EPHA6: variants seen among roughly 807,000 people sequenced by gnomAD.
EPHA6 encodes the protein ephrin type-A receptor 6.
A neutral mutation model predicts 112.0 loss-of-function variants in EPHA6; 50 were observed. The ratio of observed to expected loss-of-function variants is 0.45; its 90% confidence interval spans 0.36 to 0.56. The LOEUF is 0.56. EPHA6 is among the 20% of genes least tolerant of loss of function. The probability of loss-of-function intolerance (pLI) is 0.00; values close to 1 mark genes in which losing one functional copy is unlikely to be tolerated. For missense variants in EPHA6, 1,280 were observed against 1,417.4 expected (o/e 0.90, Z 1.56); for synonymous variants, 529 against 490.7 (o/e 1.08, Z -1.03).
chr3:97,640,327 G>A (rs1392625140), intron 14 of EPHA6, among the ~76,000 whole-genome samples: 3 of 152,168 alleles, frequency 2.0e-5, no homozygotes, highest in Admixed American at 6.5e-5. Flanking sequence ...GGGGCCATAG[G>A]CAATGGAGGG....
At chr3:97,247,988 G>A (rs966650932) in intron 5 of EPHA6, among the ~76,000 whole-genome samples, 10 of 151,902 alleles carry the variant, frequency 6.6e-5, no homozygotes, top group African/African-American at 2.4e-4. Flanking sequence ...CTTTCATGTA[G>A]TTGACTGTAT....
chr3:97,689,368 T>C (rs975200046), intron 14 of EPHA6, among the ~76,000 whole-genome samples: 2 of 152,150 alleles, frequency 1.3e-5, no homozygotes, highest in African/African-American at 2.4e-5. Context: ...TTCAACTCCA[T>C]CAAAATGGAT....
intron 5 of EPHA6, among the ~76,000 whole-genome samples, chr3:97,275,518 A>G (rs988517250): frequency 1.3e-5 from 2 of 152,086 alleles, no homozygotes; most frequent in East Asian, 1.9e-4. Flanking sequence ...ATAGGAGAGT[A>G]TATGGGTTTG....
At chr3:97,411,917 T>C (rs1478978525) in intron 6 of EPHA6, among the ~76,000 whole-genome samples, 8 of 152,072 alleles carry the variant, frequency 5.3e-5, no homozygotes, top group African/African-American at 1.9e-4. Flanking sequence ...GTTCAGATTA[T>C]TTTTTATATA....
intron 2 of EPHA6, among the ~76,000 whole-genome samples, chr3:96,973,824 CAAAAAAA>C (rs374520473): frequency 1.9e-5 from 1 of 52,738 alleles, no homozygotes; most frequent in African/African-American, 7.6e-5. Flanking sequence ...GACTCCATAT[CAAAAAAA>C]AAAAAAAAAG....
chr3:97,680,276 G>T (rs1408384605), intron 14 of EPHA6, among the ~76,000 whole-genome samples: 1 of 152,094 alleles, frequency 6.6e-6, no homozygotes, highest in East Asian at 1.9e-4. Context: ...GGCTCCTAAT[G>T]TTCATTCTCT....
At chr3:97,215,129 A>G (rs533468606) in intron 3 of EPHA6, among the ~76,000 whole-genome samples, 12 of 152,342 alleles carry the variant, frequency 7.9e-5, no homozygotes, top group East Asian at 1.9e-4. Flanking sequence ...TCAATATTTA[A>G]TCAAACAATG....
At chr3:97,044,078 C>T (rs1003299764) in intron 3 of EPHA6, among the ~76,000 whole-genome samples, 1 of 152,180 alleles carries the variant, frequency 6.6e-6, no homozygotes, top group African/African-American at 2.4e-5. Flanking sequence ...GAGTTTTATC[C>T]TTCATACATG....
At chr3:97,235,666 T>A (rs539506017) in intron 4 of EPHA6, among the ~76,000 whole-genome samples, 82 of 152,222 alleles carry the variant, frequency 5.4e-4, no homozygotes, top group African/African-American at 1.9e-3. Flanking sequence ...ATGAAAAACT[T>A]TGATCATATC....
intron 5 of EPHA6, among the ~76,000 whole-genome samples, chr3:97,272,043 A>G (rs781362588): frequency 1.3e-5 from 2 of 152,280 alleles, no homozygotes; most frequent in East Asian, 1.9e-4. Flanking sequence ...TTTATCCTAC[A>G]TAACTACAAA....
intron 2 of EPHA6, among the ~76,000 whole-genome samples, chr3:96,925,563 A>G (rs1409717909): frequency 6.9e-6 from 1 of 145,120 alleles, no homozygotes; most frequent in Non-Finnish European, 1.5e-5. Flanking sequence ...TGGTCATTCA[A>G]TTTTATCATT....
intron 5 of EPHA6, among the ~76,000 whole-genome samples, chr3:97,259,869 C>T (rs929723431): frequency 6.6e-6 from 1 of 150,980 alleles, no homozygotes; most frequent in Non-Finnish European, 1.5e-5. Context: ...GGCACAATCT[C>T]AGCTCACTGC....
In EPHA6 at chr3:97,297,566, A is replaced by C. The variant is rs114396845; in HGVS notation, c.1606+53279A>C. ...CAACAATCCGTGTAGTATTAATATG[A>C]AGGTCCCAGAAGGTAGAAAGTAACA... On this transcript the variant is annotated intron_variant, in intron 5 of 17. Transcript: ENST00000389672. 5.2e-3 allele frequency among the ~76,000 whole-genome samples: 799 copies of C among 152,248 alleles called. 6 individuals are homozygous for C. Among genetic ancestry groups the C allele is most frequent in the African/African-American group, 0.017 (723 of 41,540 alleles).
chr3:96,951,875 C>CTA (rs2041550963), intron 2 of EPHA6, among the ~76,000 whole-genome samples: 1 of 152,060 alleles, frequency 6.6e-6, no homozygotes. Context: ...GAGAAAGAAG[C>CTA]TATCTCTGTG....
intron 10 of EPHA6, among the ~76,000 whole-genome samples, chr3:97,516,878 G>C (rs2092455848): frequency 6.6e-6 from 1 of 152,004 alleles, no homozygotes; most frequent in African/African-American, 2.4e-5. Flanking sequence ...GAATATCCCA[G>C]CTTTGGGTCT....
intron 10 of EPHA6, among the ~76,000 whole-genome samples, chr3:97,490,101 A>G (rs1326118256): frequency 6.6e-6 from 1 of 152,036 alleles, no homozygotes; most frequent in Non-Finnish European, 1.5e-5. Flanking sequence ...AAATTCTTAA[A>G]CTAATTTAAA....
chr3:97,072,010 GT>G (rs768667877), intron 3 of EPHA6, among the ~76,000 whole-genome samples: 4 of 151,866 alleles, frequency 2.6e-5, no homozygotes, highest in Non-Finnish European at 5.9e-5. Context: ...TAAAATAATG[GT>G]CTCCAATTTG....
chr3:97,505,853 T>C (rs941564772), intron 10 of EPHA6, among the ~76,000 whole-genome samples: 1 of 152,214 alleles, frequency 6.6e-6, no homozygotes, highest in Non-Finnish European at 1.5e-5. Context: ...ATCTGTTGTT[T>C]CCTGACTTTT....
chr3:97,226,263 G>T lies in EPHA6; in HGVS notation c.1115-1G>T, dbSNP rs773703768. On this transcript the variant is annotated splice_acceptor_variant, in intron 3 of 17. Coordinates refer to ENST00000389672, the MANE Select transcript of EPHA6 (RefSeq NM_001080448.3). LOFTEE classifies it high-confidence loss of function. ...AAAAGTGTTTTTTTCTCTTTTTACAGCTTGCAGACCAGGATTCTATAAAGC... is the reference window on the plus strand; with the variant it reads ...AAAAGTGTTTTTTTCTCTTTTTACATCTTGCAGACCAGGATTCTATAAAGC... 2 of 1,590,634 alleles carry T rather than the reference G, an allele frequency of 1.3e-6. No individual in the cohort carries two copies. Among genetic ancestry groups the T allele is most frequent in the Non-Finnish European group, 1.7e-6 (2 of 1,170,782 alleles).
Sources: allele counts gnomAD v4.1 joint callset (sites outside exome capture counted in the v4.1 genomes callset), GRCh38; gene constraint gnomAD v4.1.1; transcripts MANE v1.5; gene names NCBI Gene and HGNC (gene_info 2026-07-23, HGNC 2026-07-21).